Variants in UGT8 observed in about 807,000 individuals in gnomAD.
UGT8 encodes 2-hydroxyacylsphingosine 1-beta-galactosyltransferase.
UGT8 carries 12 observed loss-of-function variants against 40.5 expected under a neutral mutation model. That is an observed-to-expected ratio of 0.30 (90% CI 0.19 to 0.48). The LOEUF (loss-of-function observed/expected upper bound fraction) is 0.48. Among genes scored for constraint, UGT8 ranks in the 20% least tolerant of loss-of-function variants. The pLI is 0.99. For missense variants in UGT8, 513 were observed against 648.7 expected (o/e 0.79, Z 2.27); for synonymous variants, 224 against 240.4 (o/e 0.93, Z 0.63).
chr4:114,599,233 C>T (rs1419112711), intron 1 of UGT8, among the ~76,000 whole-genome samples: 2 of 152,120 alleles, frequency 1.3e-5, no homozygotes, highest in Non-Finnish European at 2.9e-5. Context: ...CTCATAGCGC[C>T]CGCGATCCTG....
intron 1 of UGT8, among the ~76,000 whole-genome samples, chr4:114,619,915 G>A (rs1380746186): frequency 5.3e-5 from 8 of 151,256 alleles, no homozygotes; most frequent in African/African-American, 4.8e-5. Context: ...TGCTTAGTTT[G>A]TTTTCTATTG....
intron 2 of UGT8, among the ~76,000 whole-genome samples, chr4:114,635,969 TCATTTTTCAGAA>T (rs1208294670): frequency 1.3e-5 from 2 of 152,182 alleles, no homozygotes; most frequent in Non-Finnish European, 2.9e-5. Flanking sequence ...ACAAAAAAGC[TCATTTTTCAGAA>T]CATATGGGAT....
At chr4:114,651,397 A>G (rs748696848) in intron 2 of UGT8, among the ~76,000 whole-genome samples, 12 of 152,066 alleles carry the variant, frequency 7.9e-5, no homozygotes, top group Non-Finnish European at 1.8e-4. Flanking sequence ...TTTTTTCTTT[A>G]TACATGTTTC....
chr4:114,622,783 G>T, intron 1 of UGT8, 96 bp from the exon 2 acceptor site: 2 of 1,112,594 alleles, frequency 1.8e-6, no homozygotes, highest in Non-Finnish European at 2.5e-6. Context: ...CAAAGTATTA[G>T]ATCAGATATT....
At chr4:114,631,516 G>A (rs1040977533) in intron 2 of UGT8, among the ~76,000 whole-genome samples, 1 of 152,100 alleles carries the variant, frequency 6.6e-6, no homozygotes, top group Admixed American at 6.6e-5. Context: ...GAAAAGTAAT[G>A]TCCCATTGTA....
chr4:114,673,397 T>G (rs530800294), intron 5 of UGT8, among the ~76,000 whole-genome samples: 1 of 152,294 alleles, frequency 6.6e-6, no homozygotes, highest in African/African-American at 2.4e-5. Flanking sequence ...TGAAATCGGT[T>G]AGTTAGCAAT....
intron 2 of UGT8, among the ~76,000 whole-genome samples, chr4:114,630,559 A>G (rs1392057839): frequency 6.6e-6 from 1 of 152,106 alleles, no homozygotes; most frequent in Non-Finnish European, 1.5e-5. Flanking sequence ...ATAGAGATGT[A>G]GGAGGGATGT....
At position 114,622,615 on chromosome 4, in the gene UGT8, T is replaced by G. The variant is rs368548429; in HGVS notation, c.-2-264T>G. ...CCGGCACCTGTTGTTTCCTGACTTTTTAATGATTGCCATTCTAACTGGTGT... is the reference window on the plus strand; with the variant it reads ...CCGGCACCTGTTGTTTCCTGACTTTGTAATGATTGCCATTCTAACTGGTGT... On this transcript the variant is annotated intron_variant, in intron 1 of 5. Coordinates refer to ENST00000310836, the MANE Select transcript of UGT8 (RefSeq NM_001128174.3). The G allele has an allele frequency of 3.8e-3, 1,206 of 315,340 alleles. 20 individuals are homozygous for G. Among genetic ancestry groups the G allele is most frequent in the African/African-American group, 0.024 (1,094 of 45,382 alleles). The allele number at this position is 315,340 out of a possible 1,614,324, so 19.5% of individuals were successfully genotyped here. A position where few individuals can be genotyped will look rare whatever the true frequency, so the allele number is the denominator to read the frequency against.
rs1395140987 is a variant in UGT8, at chr4:114,676,333, T to C, written c.*45T>C. 1 of 1,467,238 alleles carries C rather than the reference T, an allele frequency of 6.8e-7. No individual in the cohort carries two copies. The highest frequency in any genetic ancestry group is 1.4e-5 in the South Asian group (1 of 72,768). 90.9% of individuals were successfully genotyped at this position (1,467,238 alleles called of 1,614,324 possible). A position where few individuals can be genotyped will look rare whatever the true frequency, so the allele number is the denominator to read the frequency against. ...GAAATAAATTGGTTCACTCATTGAA[T>C]TTTTATTGCTATTATTTAGTCTAAC... On this transcript the variant is annotated 3_prime_UTR_variant, in exon 6 of 6. Transcript: ENST00000310836.
chr4:114,600,218 A>G (rs1238713240), intron 1 of UGT8, among the ~76,000 whole-genome samples: 1 of 151,908 alleles, frequency 6.6e-6, no homozygotes, highest in Non-Finnish European at 1.5e-5. Context: ...CAGTGACGAT[A>G]GAGTCTTTTA....
chr4:114,605,326 A>G (rs1297237440), intron 1 of UGT8, among the ~76,000 whole-genome samples: 1 of 152,142 alleles, frequency 6.6e-6, no homozygotes, highest in Non-Finnish European at 1.5e-5. Context: ...GCATTGTACT[A>G]TTTATCTGAA....
Position 114,676,101 on chromosome 4 carries a change from T to C in UGT8, c.1439T>C (p.Val480Ala). 6.2e-7 allele frequency: 1 copy of C among 1,614,246 alleles called. No homozygotes were observed. The highest frequency in any genetic ancestry group is 8.5e-7 in the Non-Finnish European group (1 of 1,180,046). ...TATTTTTTACTGGATATTGCCTTTGTGCTTTTGCTTGGTGCTGCCTTGTTA... is the reference window on the plus strand; with the variant it reads ...TATTTTTTACTGGATATTGCCTTTGCGCTTTTGCTTGGTGCTGCCTTGTTA... ...CQYFLLDIAFVLLLGAALLYF... is the reference protein window; with the variant it reads ...CQYFLLDIAFALLLGAALLYF... The change falls in exon 6 of 6, where the codon GTG (valine) becomes GCG (alanine). Residue 480 changes from valine (V) to alanine (A), a missense_variant. Val to Ala is a moderately conservative substitution (Grantham distance 64). Transcript: ENST00000310836.
At chr4:114,665,002 A>G (rs1734766067) in intron 3 of UGT8, among the ~76,000 whole-genome samples, 1 of 152,166 alleles carries the variant, frequency 6.6e-6, no homozygotes, top group South Asian at 2.1e-4. Flanking sequence ...TTTTCCCTTC[A>G]GATTCGAGTC....
intron 5 of UGT8, among the ~76,000 whole-genome samples, chr4:114,672,508 G>T (rs6533805): frequency 6.6e-6 from 1 of 152,312 alleles, no homozygotes; most frequent in South Asian, 2.1e-4. Flanking sequence ...GAGGTAACGT[G>T]CTTTCCAGGG....
chr4:114,672,454 G>C (rs571677102), intron 5 of UGT8, among the ~76,000 whole-genome samples: 24 of 152,314 alleles, frequency 1.6e-4, no homozygotes, highest in African/African-American at 5.1e-4. Context: ...TAAATAAAAT[G>C]TGGTATATAT....
chr4:114,633,566 T>C lies in UGT8; in HGVS notation c.822+9864T>C, dbSNP rs911226490. 3.2e-4 allele frequency among the ~76,000 whole-genome samples: 48 copies of C among 152,186 alleles called. 2 individuals are homozygous for C. The highest frequency in any genetic ancestry group is 3.0e-3 in the Admixed American group (46 of 15,274). ...AGAGAGATGAACAGAGATGATATCA[T>C]GCAAAGCCTTGTTCACTGTCCAAGG... On this transcript the variant is annotated intron_variant, in intron 2 of 5. Coordinates refer to ENST00000310836, the MANE Select transcript of UGT8 (RefSeq NM_001128174.3).
intron 2 of UGT8, among the ~76,000 whole-genome samples, chr4:114,629,759 A>G (rs753396619): frequency 1.3e-5 from 2 of 152,216 alleles, no homozygotes; most frequent in Admixed American, 6.5e-5. Flanking sequence ...ATGGGCTTAC[A>G]AGGATTTCCT....
chr4:114,650,221 C>T (rs1245381734), intron 2 of UGT8, among the ~76,000 whole-genome samples: 1 of 152,180 alleles, frequency 6.6e-6, no homozygotes. Flanking sequence ...ATTGGCTTGC[C>T]TTGGAGACCT....
chr4:114,674,120 G>T (rs906321589), intron 5 of UGT8, among the ~76,000 whole-genome samples: 1 of 151,978 alleles, frequency 6.6e-6, no homozygotes, highest in Non-Finnish European at 1.5e-5. Context: ...AAAAATAAAG[G>T]CTCATCAAAT....
Sources: gnomAD v4.1 joint callset for allele counts (sites outside exome capture counted in the v4.1 genomes callset) on GRCh38, gnomAD v4.1.1 for gene constraint, MANE v1.5 for transcripts, NCBI Gene and HGNC (gene_info 2026-07-23, HGNC 2026-07-21) for gene names.